The following MAPK6 variants were observed in gnomAD, a reference collection of about 807,000 sequenced individuals.
The protein encoded by MAPK6 is mitogen-activated protein kinase 6.
Under a neutral mutation model 59.3 loss-of-function variants are expected in MAPK6, and 19 were observed. That is an observed-to-expected ratio of 0.32 (90% confidence interval 0.22 to 0.47). The LOEUF (loss-of-function observed/expected upper bound fraction) is 0.47, where lower values mean the gene tolerates loss of function less well. MAPK6 is among the 20% of genes least tolerant of loss of function. The pLI is 1.00. For missense variants in MAPK6, 724 were observed against 847.9 expected (o/e 0.85, Z 1.81); for synonymous variants, 316 against 290.3 (o/e 1.09, Z -0.90).
rs772891162 is a variant in MAPK6, at chr15:52,064,499, C to T, written c.1665C>T (p.Ser555=). The T allele has an allele frequency of 6.2e-7, 1 of 1,608,882 alleles. No individual in the cohort carries two copies. The highest frequency in any genetic ancestry group is 1.3e-5 in the African/African-American group (1 of 74,744). Residue 555 remains serine, a synonymous_variant, in exon 6 of 6, where the codon AGC becomes AGT. Transcript: ENST00000261845. The part of the protein sequence containing the change: ...DVVDKLNDLN[S]SVSQLELKSL... ...TTGATAAATTAAATGACTTGAATAG[C>T]TCAGTGTCCCAACTAGAATTGAAAA... is the stretch of plus-strand genomic sequence containing the variant.
intron 3 of MAPK6, among the ~76,000 whole-genome samples, chr15:52,056,434 C>G (rs2031986194): frequency 6.6e-6 from 1 of 152,208 alleles, no homozygotes; most frequent in Admixed American, 6.5e-5. Flanking sequence ...TAAAACTTCT[C>G]AAAAGATGCG....
At chr15:52,040,147 T>G (rs1447341056) in intron 1 of MAPK6, among the ~76,000 whole-genome samples, 1 of 152,190 alleles carries the variant, frequency 6.6e-6, no homozygotes, top group Non-Finnish European at 1.5e-5. Context: ...TCTTAGTAGC[T>G]TTGATGAGAG....
intron 2 of MAPK6, among the ~76,000 whole-genome samples, chr15:51,993,883 C>G (rs2057217149): frequency 1.3e-5 from 2 of 150,940 alleles, no homozygotes; most frequent in Admixed American, 1.3e-4. Flanking sequence ...TCCTCTGCCT[C>G]TCTTTCCCAA....
At chr15:52,033,536 G>T (rs532500436) in intron 1 of MAPK6, among the ~76,000 whole-genome samples, 1 of 152,194 alleles carries the variant, frequency 6.6e-6, no homozygotes, top group Non-Finnish European at 1.5e-5. Flanking sequence ...TCTGTCGGGG[G>T]TTCTCCAGCC....
At position 52,004,865 on chromosome 15, in the gene MAPK6, C is replaced by T. The variant is rs2057253254; in HGVS notation, c.-632+463C>T. Among the ~76,000 whole-genome samples the T allele has an allele frequency of 2.0e-5, 3 of 152,268 alleles. No homozygotes were observed. In the South Asian group the frequency reaches 6.2e-4, roughly 32 times the overall value. On this transcript the variant is annotated intron_variant, in intron 3 of 7. Coordinates refer to the MAPK6 transcript ENST00000691380. Reference sequence around the variant, plus strand: ...TTGCCAACATACGCTTTTTGGGGAACACGTTCAAACCATAGCAACCCCACT... The same window carrying T: ...TTGCCAACATACGCTTTTTGGGGAATACGTTCAAACCATAGCAACCCCACT...
intron 2 of MAPK6, among the ~76,000 whole-genome samples, chr15:52,047,869 A>G (rs1161721967): frequency 6.6e-6 from 1 of 152,206 alleles, no homozygotes; most frequent in Non-Finnish European, 1.5e-5. Flanking sequence ...ATCTAAATTC[A>G]CATAAACAAT....
At chr15:52,030,562 C>A (rs149140298) in intron 1 of MAPK6, among the ~76,000 whole-genome samples, 2 of 139,564 alleles carry the variant, frequency 1.4e-5, no homozygotes, top group African/African-American at 5.4e-5. Context: ...ACTATACCAG[C>A]GTTAATTTCT....
At chr15:51,975,966 C>T (rs995550975) in intron 1 of MAPK6, among the ~76,000 whole-genome samples, 9 of 151,708 alleles carry the variant, frequency 5.9e-5, no homozygotes, top group Non-Finnish European at 1.3e-4. Context: ...CATATTTCTT[C>T]ATATAAAAGA....
upstream of MAPK6, among the ~76,000 whole-genome samples, chr15:52,014,703 T>TAA (rs796259080): frequency 2.5e-4 from 30 of 119,456 alleles, no homozygotes; most frequent in African/African-American, 3.9e-4. Flanking sequence ...TGAGATTTTC[T>TAA]AAAAAAAAAA....
chr15:52,016,413 A>C (rs1305954783), upstream of MAPK6, among the ~76,000 whole-genome samples: 1 of 152,068 alleles, frequency 6.6e-6, no homozygotes, highest in East Asian at 1.9e-4. Context: ...AAAAACACCA[A>C]AAAAACTAAA....
At chr15:52,002,494 A>G (rs1393828833) in intron 2 of MAPK6, among the ~76,000 whole-genome samples, 1 of 152,198 alleles carries the variant, frequency 6.6e-6, no homozygotes, top group African/African-American at 2.4e-5. Context: ...TTCAGTGTAC[A>G]GGATATTTAT....
intron 3 of MAPK6, among the ~76,000 whole-genome samples, chr15:52,054,941 C>A (rs1482097957): frequency 1.3e-5 from 2 of 152,198 alleles, no homozygotes; most frequent in African/African-American, 2.4e-5. Context: ...GCATCTGCCA[C>A]CACACCCAGC....
At chr15:51,976,663 G>A (rs1295178692) in intron 1 of MAPK6, among the ~76,000 whole-genome samples, 1 of 151,818 alleles carries the variant, frequency 6.6e-6, no homozygotes, top group African/African-American at 2.4e-5. Flanking sequence ...TCCTGAAGGA[G>A]GCCGGGTGTG....
At chr15:52,009,262 A>T (rs764523666) in intron 3 of MAPK6, among the ~76,000 whole-genome samples, 1 of 152,192 alleles carries the variant, frequency 6.6e-6, no homozygotes, top group Non-Finnish European at 1.5e-5. Context: ...TACTCTGGTC[A>T]TGTGGCAGAG....
chr15:51,990,753 A>G (rs1476959782), intron 2 of MAPK6, among the ~76,000 whole-genome samples: 1 of 152,246 alleles, frequency 6.6e-6, no homozygotes, highest in Non-Finnish European at 1.5e-5. Context: ...GATCGAGACC[A>G]TTCTGGCTAA....
intron 2 of MAPK6, among the ~76,000 whole-genome samples, chr15:51,999,207 G>A (rs796203167): frequency 4.6e-5 from 7 of 150,938 alleles, no homozygotes; most frequent in East Asian, 2.0e-4. Context: ...CATGTTGGCC[G>A]GGCTGGTCTT....
Position 52,064,746 on chromosome 15 carries a change from G to A in MAPK6, c.1912G>A (p.Asp638Asn), listed in dbSNP as rs1486489557. ...YLDKFFSRKE[D>N]TEMLETEPVE... ...GGACAAGTTCTTTAGCAGGAAAGAA[G>A]ATACTGAAATGCTAGAAACTGAGCC... The change falls in exon 6 of 6, where the codon GAT becomes AAT. Residue 638 changes from aspartate to asparagine, a missense_variant. Coordinates refer to ENST00000261845, the MANE Select transcript of MAPK6 (RefSeq NM_002748.4). 1.2e-6 allele frequency: 2 copies of A among 1,611,850 alleles called. No homozygotes were observed. Among genetic ancestry groups the A allele is most frequent in the South Asian group, 1.1e-5 (1 of 90,978 alleles).
intron 2 of MAPK6, among the ~76,000 whole-genome samples, chr15:51,999,162 A>AT (rs2057235162): frequency 6.6e-6 from 1 of 151,152 alleles, no homozygotes; most frequent in Non-Finnish European, 1.5e-5. Flanking sequence ...CCCCTGGCTA[A>AT]TTTTTTTGTG....
At chr15:52,050,163 T>G in intron 3 of MAPK6, 26 bp downstream of exon 3, 1 of 1,581,808 alleles carries the variant, frequency 6.3e-7, no homozygotes, top group Non-Finnish European at 8.5e-7. Context: ...GGGGAAAAAT[T>G]TTCCCAAAGA....
Sources: gnomAD v4.1 joint callset for allele counts (sites outside exome capture counted in the v4.1 genomes callset) on GRCh38, gnomAD v4.1.1 for gene constraint, MANE v1.5 for transcripts, NCBI Gene and HGNC (gene_info 2026-07-23, HGNC 2026-07-21) for gene names.